The following SLIT3 variants were observed in gnomAD, a reference collection of about 807,000 sequenced individuals.
SLIT3 encodes slit homolog 3 protein.
A neutral mutation model predicts 184.0 loss-of-function variants in SLIT3; 68 were observed. The observed-to-expected ratio is 0.37, with a 90% confidence interval of 0.30 to 0.45. The LOEUF is 0.45. Ranked by LOEUF, SLIT3 falls within the 20% of genes least tolerant of loss-of-function variation. SLIT3 has a pLI of 1.00. For missense variants in SLIT3, 1,707 were observed against 2,026.0 expected (o/e 0.84, Z 3.02); for synonymous variants, 831 against 828.6 (o/e 1.00, Z -0.05).
chr5:168,949,252 G>A (rs1287714768), intron 4 of SLIT3, among the ~76,000 whole-genome samples: 1 of 152,200 alleles, frequency 6.6e-6, no homozygotes, highest in Non-Finnish European at 1.5e-5. Context: ...AAGTGTCACT[G>A]AGCATGGGCC....
rs370110988 is a variant in SLIT3 at position 169,286,174 on chromosome 5, G to C, written c.197+14339C>G. 1.7e-4 allele frequency among the ~76,000 whole-genome samples: 26 copies of C among 152,144 alleles called. No individual in the cohort carries two copies. The South Asian group carries it at 5.2e-3, about 30-fold the overall frequency. ...TAGCTACTAATGGCATTCAAAACCA[G>C]GTCACACTAACTCCAGCATCAAAGC... On this transcript the variant is annotated intron_variant, in intron 1 of 35. Transcript: ENST00000519560.
intron 4 of SLIT3, among the ~76,000 whole-genome samples, chr5:168,925,474 C>T (rs1761785935): frequency 6.6e-6 from 1 of 152,148 alleles, no homozygotes; most frequent in Admixed American, 6.5e-5. Flanking sequence ...GTCTCTCTTC[C>T]CACCTAACTC....
chr5:169,136,307 C>T (rs186814338), intron 4 of SLIT3, among the ~76,000 whole-genome samples: 119 of 152,304 alleles, frequency 7.8e-4, no homozygotes, highest in Non-Finnish European at 1.4e-3. Flanking sequence ...CAGGGCATTG[C>T]CTTTTTGAAG....
intron 3 of SLIT3, among the ~76,000 whole-genome samples, chr5:169,239,600 T>C (rs1252475075): frequency 6.6e-6 from 1 of 152,092 alleles, no homozygotes; most frequent in Admixed American, 6.6e-5. Context: ...ATTATCACTT[T>C]AATATTTATA....
At chr5:168,950,430 A>G (rs1762613818) in intron 4 of SLIT3, among the ~76,000 whole-genome samples, 1 of 152,232 alleles carries the variant, frequency 6.6e-6, no homozygotes. Context: ...ATGTTAATAT[A>G]TAGAGCAGAG....
intron 4 of SLIT3, among the ~76,000 whole-genome samples, chr5:169,149,769 C>G (rs1455600031): frequency 6.6e-6 from 1 of 152,222 alleles, no homozygotes; most frequent in African/African-American, 2.4e-5. Context: ...TCTCCCGAGT[C>G]AGGTGAGATG....
At chr5:168,672,946 C>T (rs555707350) in intron 33 of SLIT3, among the ~76,000 whole-genome samples, 2 of 152,322 alleles carry the variant, frequency 1.3e-5, no homozygotes, top group South Asian at 4.1e-4. Flanking sequence ...CACCCTTGCC[C>T]GTCACAACGT....
At chr5:168,966,188 G>C (rs1389107825) in intron 4 of SLIT3, among the ~76,000 whole-genome samples, 5 of 152,188 alleles carry the variant, frequency 3.3e-5, no homozygotes, top group African/African-American at 1.2e-4. Context: ...CATGTGCTTT[G>C]AATGTGAAAC....
At chr5:169,223,832 T>C (rs899421838) in intron 3 of SLIT3, among the ~76,000 whole-genome samples, 3 of 152,140 alleles carry the variant, frequency 2.0e-5, no homozygotes, top group African/African-American at 4.8e-5. Flanking sequence ...TCTGTAGAAA[T>C]GCCTGTGAAT....
chr5:168,869,459 T>C (rs1759431754), intron 5 of SLIT3, among the ~76,000 whole-genome samples: 1 of 152,222 alleles, frequency 6.6e-6, no homozygotes, highest in Non-Finnish European at 1.5e-5. Context: ...ATAAGAACTG[T>C]GTCTGATATG....
intron 3 of SLIT3, among the ~76,000 whole-genome samples, chr5:169,207,173 G>A (rs1015069627): frequency 1.3e-5 from 2 of 151,792 alleles, no homozygotes; most frequent in African/African-American, 2.4e-5. Context: ...CACCTCAGGC[G>A]AGCAGTTCCA....
chr5:169,166,919 G>C (rs1762656043), intron 4 of SLIT3, among the ~76,000 whole-genome samples: 1 of 152,160 alleles, frequency 6.6e-6, no homozygotes, highest in South Asian at 2.1e-4. Context: ...TAATCCCACA[G>C]TGCTCGGGGA....
intron 15 of SLIT3, 101 bp downstream of exon 15, chr5:168,762,438 T>C (rs1186762816): frequency 1.4e-5 from 18 of 1,282,158 alleles, no homozygotes; most frequent in Non-Finnish European, 2.0e-5. Flanking sequence ...ACCACATGAC[T>C]GAGCCAGGAA....
At chr5:169,172,688 A>G (rs771006449) in intron 4 of SLIT3, among the ~76,000 whole-genome samples, 10 of 152,224 alleles carry the variant, frequency 6.6e-5, no homozygotes, top group Non-Finnish European at 1.3e-4. Flanking sequence ...TGAATTCCAT[A>G]AAATTGACAT....
At chr5:169,295,417 T>C (rs548880361) in intron 1 of SLIT3, among the ~76,000 whole-genome samples, 1 of 152,370 alleles carries the variant, frequency 6.6e-6, no homozygotes, top group African/African-American at 2.4e-5. Flanking sequence ...CTGAGCACAT[T>C]ACAGGGACTG....
At chr5:169,168,751 G>A (rs9313445) in intron 4 of SLIT3, among the ~76,000 whole-genome samples, 11,349 of 152,232 alleles carry the variant, frequency 0.075, 1,437 homozygotes, top group African/African-American at 0.26. Context: ...CCCCTTCAAG[G>A]CCTCAAACTG....
intron 4 of SLIT3, among the ~76,000 whole-genome samples, chr5:169,100,625 C>T (rs1046659792): frequency 2.6e-5 from 4 of 152,124 alleles, no homozygotes; most frequent in South Asian, 2.1e-4. Context: ...GGGACACAAA[C>T]GCACTAAAAG....
intron 1 of SLIT3, among the ~76,000 whole-genome samples, chr5:169,284,217 G>A (rs191750612): frequency 1.3e-5 from 2 of 152,364 alleles, no homozygotes; most frequent in African/African-American, 4.8e-5. Context: ...ACTGGAGGAA[G>A]CCAGGGGATC....
At chr5:168,990,275 G>C (rs1458087847) in intron 4 of SLIT3, among the ~76,000 whole-genome samples, 4 of 152,182 alleles carry the variant, frequency 2.6e-5, no homozygotes. Context: ...GTCAACAAAG[G>C]AGAGAGTCAC....
Sources: gnomAD v4.1 joint callset for allele counts (sites outside exome capture counted in the v4.1 genomes callset) on GRCh38, gnomAD v4.1.1 for gene constraint, MANE v1.5 for transcripts, NCBI Gene and HGNC (gene_info 2026-07-23, HGNC 2026-07-21) for gene names.